The following PRG2 variants were observed in gnomAD, a reference collection of about 807,000 sequenced individuals.
The protein encoded by PRG2 is proteoglycan 2, pro eosinophil major basic protein.
In PRG2, 23 loss-of-function variants were observed where a neutral mutation model predicts 24.7. That is an observed-to-expected ratio of 0.93 (90% CI 0.67 to 1.32). The LOEUF (loss-of-function observed/expected upper bound fraction) is 1.32, where lower values mean the gene tolerates loss of function less well. PRG2 is among the 40% of genes most tolerant of loss of function. The pLI is 0.00. For missense variants in PRG2, 271 were observed against 280.9 expected (o/e 0.96, Z 0.25); for synonymous variants, 104 against 99.8 (o/e 1.04, Z -0.25).
chr11:57,390,529 C>A lies in PRG2; in HGVS notation c.-13+67G>T, dbSNP rs189400943. On this transcript the variant is annotated intron_variant, in intron 1 of 5. Transcript: ENST00000311862. ...CTGCCAGCCCTCCAGAAACTGTCAGCCACAGCCAGGGACCTCCTGGGAGAA... is the reference window on the plus strand; with the variant it reads ...CTGCCAGCCCTCCAGAAACTGTCAGACACAGCCAGGGACCTCCTGGGAGAA... The A allele has an allele frequency of 9.4e-6, 9 of 957,668 alleles. No homozygotes were observed. The East Asian group carries it at 1.0e-3, about 111-fold the overall frequency. The allele number at this position is 957,668 out of a possible 1,614,324, so 59.3% of individuals were successfully genotyped here.
Position 57,388,916 on chromosome 11 carries a change from C to CT in PRG2, c.366+93dup, listed in dbSNP as rs1486802040. On this transcript the variant is annotated intron_variant, in intron 3 of 5. Coordinates refer to ENST00000311862, the MANE Select transcript of PRG2 (RefSeq NM_002728.6). ...AGGTTCTACTGACACCCCCAGGGCC[C>CT]TCAATGGGAAAAAGAGCCAGTGATA... The CT allele has an allele frequency of 7.3e-5, 110 of 1,506,758 alleles. No individual in the cohort carries two copies. In the South Asian group the frequency reaches 1.3e-3, roughly 18 times the overall value. The allele number at this position is 1,506,758 out of a possible 1,614,324, so 93.3% of individuals were successfully genotyped here.
intron 3 of PRG2, 51 bp downstream of exon 3, chr11:57,388,959 T>A (rs1857102835): frequency 6.3e-7 from 1 of 1,576,358 alleles, no homozygotes; most frequent in Middle Eastern, 1.9e-4. Flanking sequence ...TGGGGGCATA[T>A]CCCACACCCG....
chr11:57,390,315 C>T (rs1857133085), intron 1 of PRG2, among the ~76,000 whole-genome samples: 1 of 152,110 alleles, frequency 6.6e-6, no homozygotes, highest in Admixed American at 6.5e-5. Context: ...TTCCTAGGAA[C>T]ACATAGGACT....
chr11:57,388,694 C>A lies in PRG2; in HGVS notation c.381G>T (p.Arg127Ser), dbSNP rs1445034375. The change falls in exon 4 of 6, where the codon AGG becomes AGT. Residue 127 changes from arginine to serine, a missense_variant. By Grantham distance (110) the Arg-to-Ser change is moderately radical (BLOSUM62 -1). Transcript: ENST00000311862. ...TGGAAACCAGGTTGCCCCTGTAGCA[C>A]CTCCGGCAAGTAAACTACAGGGCAG... ...TFSQAWFTCR[R>S]CYRGNLVSIH... 3 of 1,613,924 alleles carry A rather than the reference C, an allele frequency of 1.9e-6. No homozygotes were observed. The Admixed American group carries it at 5.0e-5, about 27-fold the overall frequency.
chr11:57,389,339 T>A (rs781269233), intron 2 of PRG2, 22 bp from the exon 3 acceptor site: 13 of 1,600,348 alleles, frequency 8.1e-6, no homozygotes, highest in Non-Finnish European at 1.0e-5. Context: ...GATAGCTAAG[T>A]GTCCTTCCTT....
At chr11:57,390,500 A>G in intron 1 of PRG2, 96 bp downstream of exon 1, 1 of 804,712 alleles carries the variant, frequency 1.2e-6, no homozygotes, top group Non-Finnish European at 1.5e-6. Context: ...CCACAGGTAG[A>G]CGCCTGCCAG....
At position 57,387,416 on chromosome 11, in the gene PRG2, A is replaced by C; in HGVS notation, c.*59T>G. 1 of 1,445,492 alleles carries C rather than the reference A, an allele frequency of 6.9e-7. No homozygotes were observed. Among genetic ancestry groups the C allele is most frequent in the East Asian group, 2.3e-5 (1 of 43,732 alleles). The allele number at this position is 1,445,492 out of a possible 1,614,324, so 89.5% of individuals were successfully genotyped here. ...GGAGGTGGAGGGAGGGATGGCAAGCAGAGGAGGGGAGGCAGCTGCCCAGGA... is the reference window on the plus strand; with the variant it reads ...GGAGGTGGAGGGAGGGATGGCAAGCCGAGGAGGGGAGGCAGCTGCCCAGGA... On this transcript the variant is annotated 3_prime_UTR_variant, in exon 6 of 6. Coordinates refer to ENST00000311862, the MANE Select transcript of PRG2 (RefSeq NM_002728.6).
At chr11:57,390,534 G>T (rs534428415) in intron 1 of PRG2, 62 bp downstream of exon 1, 174 of 964,698 alleles carry the variant, frequency 1.8e-4, no homozygotes, top group Non-Finnish European at 2.1e-4. Context: ...GTCAGCCACA[G>T]CCAGGGACCT....
chr11:57,388,921 T>C, intron 3 of PRG2, 89 bp downstream of exon 3: 1 of 1,515,752 alleles, frequency 6.6e-7, no homozygotes, highest in Non-Finnish European at 8.9e-7. Flanking sequence ...GGGCCCTCAA[T>C]GGGAAAAAGA....
rs1857095067 is a variant in PRG2 at position 57,388,636 on chromosome 11, A to G, written c.439T>C (p.Cys147Arg). Reference sequence around the variant, plus strand: ...CCCTGGTTGAGCGCGCTGACAGAACACTGGATTCGATAATTAATATTGAAG... The same window carrying G: ...CCCTGGTTGAGCGCGCTGACAGAACGCTGGATTCGATAATTAATATTGAAG... ...HNFNINYRIQ[C>R]SVSALNQGQV... Residue 147 changes from cysteine (C) to arginine (R), a missense_variant, in exon 4 of 6, where the codon TGT becomes CGT. Transcript: ENST00000311862. 1 of 1,613,982 alleles carries G rather than the reference A, an allele frequency of 6.2e-7. No homozygotes were observed. The highest frequency in any genetic ancestry group is 1.1e-5 in the South Asian group (1 of 91,074).
chr11:57,389,982 T>C (rs1857127596), intron 1 of PRG2, 26 bp from the exon 2 acceptor site: 1 of 1,568,176 alleles, frequency 6.4e-7, no homozygotes, highest in Non-Finnish European at 8.8e-7. Context: ...CAGTTTGTCA[T>C]TGACACACAC....
chr11:57,388,640 G>T lies in PRG2; in HGVS notation c.435C>A (p.Ile145=). ...GGTTGAGCGCGCTGACAGAACACTG[G>T]ATTCGATAATTAATATTGAAGTTGT... ...SIHNFNINYR[I]QCSVSALNQG... The change falls in exon 4 of 6, where the codon ATC becomes ATA. Residue 145 remains isoleucine (I), a synonymous_variant. Coordinates refer to ENST00000311862, the MANE Select transcript of PRG2 (RefSeq NM_002728.6). 1 of 1,614,024 alleles carries T rather than the reference G, an allele frequency of 6.2e-7. No homozygotes were observed. The highest frequency in any genetic ancestry group is 8.5e-7 in the Non-Finnish European group (1 of 1,179,934).
rs535519183 is a variant in PRG2 at position 57,387,267 on chromosome 11, C to A, written c.*208G>T. The A allele has an allele frequency of 7.6e-6, 4 of 529,362 alleles. No individual in the cohort carries two copies. The highest frequency in any genetic ancestry group is 1.3e-5 in the Non-Finnish European group (4 of 300,430). The allele number at this position is 529,362 out of a possible 1,614,324, so 32.8% of individuals were successfully genotyped here. On this transcript the variant is annotated 3_prime_UTR_variant, in exon 6 of 6. Transcript: ENST00000311862. Reference sequence around the variant, plus strand: ...CCTCAAGGAGTAGTAGCTTCTGACACTTCTATGAAAGTTGTGGTGTGGGGA... The same window carrying A: ...CCTCAAGGAGTAGTAGCTTCTGACAATTCTATGAAAGTTGTGGTGTGGGGA...
In PRG2 at chr11:57,389,923, C is replaced by A. The variant is rs1460302388; in HGVS notation, c.22G>T (p.Ala8Ser). The change falls in exon 2 of 6, where the codon GCT becomes TCT. Residue 8 changes from alanine (A) to serine (S), a missense_variant. By Grantham distance (99) the Ala-to-Ser change is moderately conservative. Transcript: ENST00000311862. MKLPLLL[A>S]LLFGAVSALH... ...GCAGAAACTGCCCCAAATAGAAGAG[C>A]CAGAAGTAAGGGGAGTTTCATCTTG... The A allele has an allele frequency of 6.2e-7, 1 of 1,612,676 alleles. No individual in the cohort carries two copies.
intron 3 of PRG2, 62 bp downstream of exon 3, chr11:57,388,948 C>T: frequency 1.3e-6 from 2 of 1,555,280 alleles, no homozygotes; most frequent in South Asian, 1.2e-5. Context: ...GATAGCAATG[C>T]TGGGGGCATA....
intron 5 of PRG2, 27 bp from the exon 6 acceptor site, chr11:57,387,560 T>G (rs1019860359): frequency 6.9e-6 from 11 of 1,604,224 alleles, no homozygotes; most frequent in Non-Finnish European, 7.7e-6. Context: ...GAAAGGGACT[T>G]TCAGCCTCTT....
chr11:57,390,584 G>C lies in PRG2; in HGVS notation c.-13+12C>G, dbSNP rs1397701752. On this transcript the variant is annotated intron_variant, in intron 1 of 5. Transcript: ENST00000311862. ...CTGTCACCAGCTCCACCACAGCAGA[G>C]AAAGCACTCACCCACCCAGAGACCT... 7 of 985,556 alleles carry C rather than the reference G, an allele frequency of 7.1e-6. No individual in the cohort carries two copies. The highest frequency in any genetic ancestry group is 8.4e-6 in the Non-Finnish European group (7 of 829,972). The allele number at this position is 985,556 out of a possible 1,614,324, so 61.1% of individuals were successfully genotyped here.
chr11:57,388,432 A>C, intron 4 of PRG2, 145 bp downstream of exon 4: 2 of 1,254,072 alleles, frequency 1.6e-6, no homozygotes, highest in Non-Finnish European at 2.2e-6. Context: ...ATGCCCAGGC[A>C]GCCCCCTCAG....
rs1857063109 is a variant in PRG2 at position 57,387,346 on chromosome 11, A to G, written c.*129T>C. 1.3e-6 allele frequency: 1 copy of G among 798,494 alleles called. No individual in the cohort carries two copies. The highest frequency in any genetic ancestry group is 2.1e-6 in the Non-Finnish European group (1 of 485,388). The allele number at this position is 798,494 out of a possible 1,614,324, so 49.5% of individuals were successfully genotyped here. On this transcript the variant is annotated 3_prime_UTR_variant, in exon 6 of 6. Coordinates refer to ENST00000311862, the MANE Select transcript of PRG2 (RefSeq NM_002728.6). ...GGCTAAGCAGAGTGGATCCGCGATCAGAGGAGAAAATAAATCCATTTCAGT... is the reference window on the plus strand; with the variant it reads ...GGCTAAGCAGAGTGGATCCGCGATCGGAGGAGAAAATAAATCCATTTCAGT...
Sources: gnomAD v4.1 joint callset for allele counts (sites outside exome capture counted in the v4.1 genomes callset) on GRCh38, gnomAD v4.1.1 for gene constraint, MANE v1.5 for transcripts, NCBI Gene and HGNC (gene_info 2026-07-23, HGNC 2026-07-21) for gene names.